The following KHDRBS2 variants were observed in gnomAD, a reference collection of about 807,000 sequenced individuals.
KHDRBS2 encodes KH domain-containing, RNA-binding, signal transduction-associated protein 2.
A neutral mutation model predicts 44.3 loss-of-function variants in KHDRBS2; 26 were observed. The ratio of observed to expected loss-of-function variants is 0.59; its 90% CI spans 0.43 to 0.81. The LOEUF (loss-of-function observed/expected upper bound fraction) is 0.81, where lower values mean the gene tolerates loss of function less well. Ranked by LOEUF, KHDRBS2 falls within the 40% of genes least tolerant of loss-of-function variation. KHDRBS2 has a pLI of 0.00. For synonymous variants in KHDRBS2, 194 were observed against 151.1 expected (o/e 1.28, Z -2.08); for missense variants, 476 against 433.1 (o/e 1.10, Z -0.88).
intron 2 of KHDRBS2, among the ~76,000 whole-genome samples, chr6:62,062,600 A>C (rs1164990414): frequency 2.0e-5 from 3 of 149,612 alleles, no homozygotes; most frequent in African/African-American, 7.3e-5. Flanking sequence ...GACACAACAT[A>C]CCAGAATCTC....
At chr6:61,823,152 C>T (rs1245730888) in intron 6 of KHDRBS2, among the ~76,000 whole-genome samples, 4 of 151,900 alleles carry the variant, frequency 2.6e-5, no homozygotes, top group Non-Finnish European at 4.4e-5. Flanking sequence ...GACTCAGTTG[C>T]AAAGGGGCCA....
intron 4 of KHDRBS2, among the ~76,000 whole-genome samples, chr6:61,920,329 A>G (rs1323074718): frequency 6.6e-6 from 1 of 151,938 alleles, no homozygotes; most frequent in Non-Finnish European, 1.5e-5. Context: ...AATAAGCAAT[A>G]TAATATGGAT....
At chr6:62,027,800 T>G (rs561290174) in intron 3 of KHDRBS2, among the ~76,000 whole-genome samples, 6 of 152,188 alleles carry the variant, frequency 3.9e-5, no homozygotes, top group Non-Finnish European at 8.8e-5. Flanking sequence ...GGCATGGAAG[T>G]TCTATGCCTT....
chr6:61,640,165 A>G, the KHDRBS2 span, among the ~76,000 whole-genome samples: 1 of 152,080 alleles, frequency 6.6e-6, no homozygotes, highest in Non-Finnish European at 1.5e-5. Context: ...GCTTTAAAAT[A>G]TTAGATAAAA....
intron 2 of KHDRBS2, among the ~76,000 whole-genome samples, chr6:62,110,555 T>C (rs1277304859): frequency 6.6e-6 from 1 of 152,090 alleles, no homozygotes; most frequent in East Asian, 1.9e-4. Context: ...GGATAAATAT[T>C]CAAATAATTA....
intron 2 of KHDRBS2, among the ~76,000 whole-genome samples, chr6:62,073,342 G>T (rs1287685397): frequency 6.6e-6 from 1 of 150,986 alleles, no homozygotes; most frequent in East Asian, 2.0e-4. Context: ...TAATATGTTG[G>T]CATGCTGTTG....
At chr6:61,715,224 G>A (rs534978138) in intron 7 of KHDRBS2, among the ~76,000 whole-genome samples, 6 of 151,838 alleles carry the variant, frequency 4.0e-5, no homozygotes, top group Non-Finnish European at 5.9e-5. Flanking sequence ...AAAAAGGATG[G>A]AATGGCAACC....
chr6:61,572,984 C>G, the KHDRBS2 span, among the ~76,000 whole-genome samples: 35 of 152,094 alleles, frequency 2.3e-4, no homozygotes, highest in Non-Finnish European at 4.4e-4. Context: ...TCAGACAAAA[C>G]AAAGAAATAA....
rs572740690 is a variant in KHDRBS2 at position 61,920,526 on chromosome 6, T to TA, written c.484-19156dup. Among the ~76,000 whole-genome samples the TA allele has an allele frequency of 2.5e-3, 373 of 152,044 alleles. 3 individuals carry two copies. Among genetic ancestry groups the TA allele is most frequent in the African/African-American group, 8.4e-3 (347 of 41,516 alleles). Reference sequence around the variant, plus strand: ...CCTTATTTCTTTAAAGAATTTTAGTTAAAAAATAAATCATGAAGTGCTAAG... The same window carrying TA: ...CCTTATTTCTTTAAAGAATTTTAGTTAAAAAAATAAATCATGAAGTGCTAAG... On this transcript the variant is annotated intron_variant, in intron 4 of 8. Coordinates refer to ENST00000281156, the MANE Select transcript of KHDRBS2 (RefSeq NM_152688.4).
At chr6:62,202,149 C>A (rs1827126457) in intron 1 of KHDRBS2, among the ~76,000 whole-genome samples, 1 of 151,998 alleles carries the variant, frequency 6.6e-6, no homozygotes, top group Non-Finnish European at 1.5e-5. Context: ...TATACAAATT[C>A]TATTTTAATT....
At chr6:61,964,505 C>T (rs985923275) in intron 4 of KHDRBS2, among the ~76,000 whole-genome samples, 5 of 151,936 alleles carry the variant, frequency 3.3e-5, no homozygotes, top group Non-Finnish European at 7.4e-5. Flanking sequence ...ATTAGATGTC[C>T]ACTAGTGTAT....
the KHDRBS2 span, among the ~76,000 whole-genome samples, chr6:61,646,714 C>CCT: frequency 3.0e-3 from 456 of 152,218 alleles, 4 homozygotes; most frequent in African/African-American, 0.011. Flanking sequence ...ATTTCACTCA[C>CCT]CTATGTATGC....
the KHDRBS2 span, among the ~76,000 whole-genome samples, chr6:61,548,550 C>T: frequency 6.6e-6 from 1 of 152,076 alleles, no homozygotes; most frequent in South Asian, 2.1e-4. Flanking sequence ...AAAGTCCTTG[C>T]AGATAACATT....
chr6:61,664,138 C>A, the KHDRBS2 span, among the ~76,000 whole-genome samples: 1 of 151,760 alleles, frequency 6.6e-6, no homozygotes, highest in African/African-American at 2.4e-5. Flanking sequence ...ACTTACTGAT[C>A]TTTCTACTTT....
At chr6:62,171,452 T>C (rs1413881676) in intron 2 of KHDRBS2, among the ~76,000 whole-genome samples, 1 of 151,940 alleles carries the variant, frequency 6.6e-6, no homozygotes, top group Non-Finnish European at 1.5e-5. Flanking sequence ...AGATCAAAAC[T>C]ACAACTCACT....
At chr6:61,961,952 A>C (rs900773758) in intron 4 of KHDRBS2, among the ~76,000 whole-genome samples, 5 of 146,124 alleles carry the variant, frequency 3.4e-5, no homozygotes, top group Admixed American at 7.1e-5. Flanking sequence ...CCATATAATA[A>C]ATACAATAGC....
At chr6:61,990,471 T>C (rs944390524) in intron 3 of KHDRBS2, among the ~76,000 whole-genome samples, 2 of 152,162 alleles carry the variant, frequency 1.3e-5, no homozygotes, top group African/African-American at 4.8e-5. Flanking sequence ...TCACAGGGTA[T>C]ATCACATTAA....
chr6:61,813,293 G>C (rs1453496718), intron 6 of KHDRBS2, among the ~76,000 whole-genome samples: 1 of 152,084 alleles, frequency 6.6e-6, no homozygotes, highest in Non-Finnish European at 1.5e-5. Context: ...CTTTTTTGCT[G>C]TAATGTGACA....
At chr6:62,282,501 G>T (rs1841938561) in intron 1 of KHDRBS2, among the ~76,000 whole-genome samples, 1 of 152,086 alleles carries the variant, frequency 6.6e-6, no homozygotes, top group Non-Finnish European at 1.5e-5. Context: ...GCTCCTAGGA[G>T]TATGGAATCA....
Sources: gnomAD v4.1 joint callset for allele counts (sites outside exome capture counted in the v4.1 genomes callset) on GRCh38, gnomAD v4.1.1 for gene constraint, MANE v1.5 for transcripts, NCBI Gene and HGNC (gene_info 2026-07-23, HGNC 2026-07-21) for gene names.